WWOX: variants seen among roughly 807,000 people sequenced by gnomAD.
WWOX encodes WW domain containing oxidoreductase.
In WWOX, 69 loss-of-function variants were observed where a neutral mutation model predicts 46.2. The ratio of observed to expected loss-of-function variants is 1.49; its 90% CI spans 1.23 to 1.82. The LOEUF (loss-of-function observed/expected upper bound fraction) is 1.82. Ranked by LOEUF, WWOX falls within the 40% of genes most tolerant of loss-of-function variation. The probability of loss-of-function intolerance (pLI) is 0.00; values close to 1 mark genes in which losing one functional copy is unlikely to be tolerated. For missense variants in WWOX, 919 were observed against 542.6 expected (o/e 1.69, Z -6.89); for synonymous variants, 359 against 202.6 (o/e 1.77, Z -6.56).
chr16:78,289,778 T>C (rs918411981), intron 5 of WWOX, among the ~76,000 whole-genome samples: 15 of 152,238 alleles, frequency 9.9e-5, no homozygotes, highest in Admixed American at 7.2e-4. Flanking sequence ...TCTGGTCCTT[T>C]AGAGGAGGTC....
chr16:78,667,737 C>G (rs572684901), intron 8 of WWOX, among the ~76,000 whole-genome samples: 4 of 150,066 alleles, frequency 2.7e-5, no homozygotes, highest in Non-Finnish European at 5.9e-5. Context: ...ACACCCATTA[C>G]TCTGCTCATT....
At chr16:78,644,590 T>C (rs542633578) in intron 8 of WWOX, among the ~76,000 whole-genome samples, 6 of 152,092 alleles carry the variant, frequency 3.9e-5, no homozygotes, top group Non-Finnish European at 7.4e-5. Flanking sequence ...GCCTCCCAAG[T>C]ACCTGGGATT....
At chr16:78,392,089 A>G (rs1195771357) in intron 6 of WWOX, among the ~76,000 whole-genome samples, 2 of 151,710 alleles carry the variant, frequency 1.3e-5, no homozygotes, top group Non-Finnish European at 2.9e-5. Context: ...CCTCTAGGCC[A>G]CAAACCAATA....
At chr16:79,173,587 A>G (rs1023079603) in intron 8 of WWOX, among the ~76,000 whole-genome samples, 10 of 152,116 alleles carry the variant, frequency 6.6e-5, no homozygotes, top group Non-Finnish European at 1.3e-4. Flanking sequence ...AGTCAAAGCC[A>G]CTGGAAATAA....
rs888000787 is a variant in WWOX at position 78,689,981 on chromosome 16, C to G, written c.1056+257229C>G. On this transcript the variant is annotated intron_variant, in intron 8 of 8. Coordinates refer to ENST00000566780, the MANE Select transcript of WWOX (RefSeq NM_016373.4). The stretch of plus-strand genomic sequence containing the variant: ...GCTCAAATGATTCTCCTACCTCAGC[C>G]TCCTGAGTAGCTGGGATTACAGGTG... Among the ~76,000 whole-genome samples the G allele has an allele frequency of 3.3e-5, 5 of 152,090 alleles. No individual in the cohort carries two copies. In the South Asian group the frequency reaches 8.3e-4, roughly 25 times the overall value.
chr16:78,128,100 T>C (rs1221565714), intron 4 of WWOX, among the ~76,000 whole-genome samples: 1 of 151,904 alleles, frequency 6.6e-6, no homozygotes, highest in African/African-American at 2.4e-5. Flanking sequence ...GAAGAAAGAC[T>C]CCTAAAGGGA....
At chr16:78,197,333 C>G (rs1271863637) in intron 5 of WWOX, among the ~76,000 whole-genome samples, 1 of 152,198 alleles carries the variant, frequency 6.6e-6, no homozygotes, top group Admixed American at 6.5e-5. Flanking sequence ...TATGAGCACA[C>G]CTCCTGGATG....
intron 8 of WWOX, among the ~76,000 whole-genome samples, chr16:78,476,546 G>A (rs764085483): frequency 4.6e-5 from 7 of 151,890 alleles, no homozygotes; most frequent in Non-Finnish European, 1.0e-4. Flanking sequence ...CACAGCACAT[G>A]TCTACATATG....
chr16:78,705,906 A>G (rs28606401), intron 8 of WWOX, among the ~76,000 whole-genome samples: 2,528 of 152,278 alleles, frequency 0.017, 70 homozygotes, highest in African/African-American at 0.057. Flanking sequence ...CCTGCTAGAT[A>G]TAAGCATCTG....
chr16:78,999,663 G>C (rs778973642), intron 8 of WWOX, among the ~76,000 whole-genome samples: 7 of 152,124 alleles, frequency 4.6e-5, no homozygotes, highest in African/African-American at 9.7e-5. Context: ...GTATGCACCA[G>C]AGTGATTGGT....
At chr16:78,696,141 A>C (rs1251460927) in intron 8 of WWOX, among the ~76,000 whole-genome samples, 1 of 152,214 alleles carries the variant, frequency 6.6e-6, no homozygotes, top group Non-Finnish European at 1.5e-5. Context: ...GGTGGGAATC[A>C]GAAATACGGT....
intron 8 of WWOX, among the ~76,000 whole-genome samples, chr16:78,610,058 C>T (rs1216010430): frequency 1.3e-5 from 2 of 151,474 alleles, no homozygotes; most frequent in African/African-American, 2.4e-5. Flanking sequence ...TGCGATCTCG[C>T]TGGAAAGACT....
chr16:78,726,877 G>A (rs1039825835), intron 8 of WWOX, among the ~76,000 whole-genome samples: 2 of 152,118 alleles, frequency 1.3e-5, no homozygotes, highest in Non-Finnish European at 2.9e-5. Flanking sequence ...GAGCTGAGTC[G>A]GGAGTTGAAA....
At chr16:78,880,718 G>A (rs979183530) in intron 8 of WWOX, among the ~76,000 whole-genome samples, 2 of 152,222 alleles carry the variant, frequency 1.3e-5, no homozygotes, top group African/African-American at 4.8e-5. Context: ...TCACATAAGT[G>A]TGAGTGACTA....
rs773003965 is a variant in WWOX at position 78,707,826 on chromosome 16, C to G, written c.1056+275074C>G. ...CTCTAGCCTGTGCTAGAGAGCGAGA[C>G]TCTGTCTCAAAAATATAAATAAATA... is the stretch of plus-strand genomic sequence containing the variant. On this transcript the variant is annotated intron_variant, in intron 8 of 8. Coordinates refer to ENST00000566780, the MANE Select transcript of WWOX (RefSeq NM_016373.4). 1.1e-3 allele frequency among the ~76,000 whole-genome samples: 166 copies of G among 148,702 alleles called. 5 individuals carry two copies. The highest frequency in any genetic ancestry group is 4.1e-4 in the Non-Finnish European group (28 of 67,558).
intron 5 of WWOX, among the ~76,000 whole-genome samples, chr16:78,244,296 T>C (rs1352400906): frequency 6.6e-6 from 1 of 152,222 alleles, no homozygotes; most frequent in Non-Finnish European, 1.5e-5. Context: ...GTGGTCAGTG[T>C]TTAATGTTAG....
At chr16:78,966,296 C>T (rs973351461) in intron 8 of WWOX, among the ~76,000 whole-genome samples, 2 of 152,184 alleles carry the variant, frequency 1.3e-5, no homozygotes, top group African/African-American at 2.4e-5. Flanking sequence ...TTCCTGATAG[C>T]TGTTTCAGAT....
chr16:78,310,654 C>T (rs1361005277), intron 5 of WWOX, among the ~76,000 whole-genome samples: 2 of 152,224 alleles, frequency 1.3e-5, no homozygotes, highest in African/African-American at 2.4e-5. Context: ...GCACATTTGG[C>T]ATCTCTCTGG....
intron 8 of WWOX, among the ~76,000 whole-genome samples, chr16:78,694,897 A>C (rs2048067239): frequency 6.6e-6 from 1 of 152,082 alleles, no homozygotes; most frequent in Admixed American, 6.6e-5. Flanking sequence ...GGCCTACTTA[A>C]ACCTTGAGGT....
Sources: allele counts gnomAD v4.1 joint callset (sites outside exome capture counted in the v4.1 genomes callset), GRCh38; gene constraint gnomAD v4.1.1; transcripts MANE v1.5; gene names NCBI Gene and HGNC (gene_info 2026-07-23, HGNC 2026-07-21).